The following GPM6B variants were observed in gnomAD, a reference collection of about 807,000 sequenced individuals.
GPM6B encodes the protein neuronal membrane glycoprotein M6-b.
A neutral mutation model predicts 27.2 loss-of-function variants in GPM6B; 4 were observed. The observed-to-expected ratio is 0.15, with a 90% confidence interval of 0.07 to 0.34. The LOEUF is 0.34. GPM6B is among the 10% of genes least tolerant of loss of function. GPM6B has a pLI of 1.00. For missense variants in GPM6B, 183 were observed against 261.9 expected, an observed-to-expected ratio of 0.70 and a Z score of 2.08; for synonymous variants, 124 against 103.1, an observed-to-expected ratio of 1.20 and a Z score of -1.23.
At chrX:13,785,871 A>G in intron 2 of GPM6B, 63 bp from the exon 3 acceptor site, 2 of 911,942 alleles carry the variant, frequency 2.2e-6, no homozygotes, top group South Asian at 4.8e-5. Context: ...CTTCAAGAAT[A>G]CCCCATATTC....
intron 1 of GPM6B, among the ~76,000 whole-genome samples, chrX:13,867,555 T>A (rs1452384781): frequency 8.9e-6 from 1 of 111,969 alleles, no homozygotes; most frequent in East Asian, 2.8e-4. Context: ...AGGCATGGTG[T>A]GGGGGTGGCA....
chrX:13,848,047 G>C (rs2049670737), intron 1 of GPM6B, among the ~76,000 whole-genome samples: 1 of 111,888 alleles, frequency 8.9e-6, no homozygotes, highest in African/African-American at 3.2e-5. Flanking sequence ...CCAGCTGCTG[G>C]CAAAGTTGAC....
chrX:13,920,667 A>G (rs1356673652), intron 1 of GPM6B, among the ~76,000 whole-genome samples: 3 of 111,309 alleles, frequency 2.7e-5, no homozygotes, highest in Non-Finnish European at 3.8e-5. Flanking sequence ...TGAGGAGGGC[A>G]GATCACAAGG....
intron 1 of GPM6B, among the ~76,000 whole-genome samples, chrX:13,846,636 G>A (rs952607866): frequency 2.8e-5 from 3 of 108,372 alleles, no homozygotes; most frequent in African/African-American, 6.7e-5. Context: ...TACTACAGGC[G>A]CCCGCCACAA....
At chrX:13,894,879 G>T (rs2050218656) in intron 1 of GPM6B, among the ~76,000 whole-genome samples, 1 of 111,919 alleles carries the variant, frequency 8.9e-6, no homozygotes, top group African/African-American at 3.2e-5. Context: ...GAGAACCAAA[G>T]CAGGCCTCCC....
intron 1 of GPM6B, among the ~76,000 whole-genome samples, chrX:13,862,184 C>T (rs2049860330): frequency 9.0e-6 from 1 of 111,227 alleles, no homozygotes; most frequent in Admixed American, 9.6e-5. Context: ...AAAGCAACAG[C>T]AACAACAACT....
chrX:13,892,007 C>G (rs2147031016), intron 1 of GPM6B, among the ~76,000 whole-genome samples: 1 of 111,821 alleles, frequency 8.9e-6, no homozygotes, highest in East Asian at 2.8e-4. Context: ...GAAAATTCTG[C>G]CTACCATGCA....
intron 1 of GPM6B, among the ~76,000 whole-genome samples, chrX:13,901,932 G>T (rs2050285947): frequency 8.9e-6 from 1 of 111,973 alleles, no homozygotes; most frequent in Admixed American, 9.5e-5. Flanking sequence ...AAAAAGAATT[G>T]CTAAGTGTCA....
intron 1 of GPM6B, among the ~76,000 whole-genome samples, chrX:13,811,989 G>C (rs979977248): frequency 9.2e-6 from 1 of 108,964 alleles, no homozygotes; most frequent in Admixed American, 9.8e-5. Context: ...CTCCTGTAAC[G>C]TGAGCTGAAG....
rs760112371 is a variant in GPM6B at position 13,828,492 on chromosome X, T to A, written c.-197-42684A>T. Among the ~76,000 whole-genome samples, 4 of 110,728 alleles carry A rather than the reference T, an allele frequency of 3.6e-5. No individual in the cohort carries two copies. In the South Asian group the frequency reaches 1.2e-3, roughly 32 times the overall value. ...CAGCCTCCGTAACTGTAAGAAATAA[T>A]TTTTTTTTCTTTGTAAGTTTCCCAA... On this transcript the variant is annotated intron_variant, in intron 1 of 6. Transcript: ENST00000398361.
chrX:13,874,634 T>C (rs2050014815), intron 1 of GPM6B, among the ~76,000 whole-genome samples: 1 of 110,930 alleles, frequency 9.0e-6, no homozygotes, highest in Non-Finnish European at 1.9e-5. Context: ...TGCTTGAACC[T>C]GGGAGGCAGA....
chrX:13,848,947 A>G (rs1380583157), intron 1 of GPM6B, among the ~76,000 whole-genome samples: 1 of 112,103 alleles, frequency 8.9e-6, no homozygotes, highest in East Asian at 2.8e-4. Context: ...GAAAAAAGCC[A>G]GACACAAAAG....
At chrX:13,870,182 G>T (rs1036557668) in intron 1 of GPM6B, among the ~76,000 whole-genome samples, 1 of 112,184 alleles carries the variant, frequency 8.9e-6, no homozygotes, top group Non-Finnish European at 1.9e-5. Flanking sequence ...TATTGATGCA[G>T]GTTACTCATG....
intron 1 of GPM6B, among the ~76,000 whole-genome samples, chrX:13,914,592 C>A (rs1028155905): frequency 4.4e-5 from 5 of 112,762 alleles, no homozygotes; most frequent in African/African-American, 1.6e-4. Flanking sequence ...TCTCTGACCC[C>A]TTTGGGGAGG....
At chrX:13,888,736 AAT>A (rs2050161591) in intron 1 of GPM6B, among the ~76,000 whole-genome samples, 2 of 111,555 alleles carry the variant, frequency 1.8e-5, no homozygotes, top group Non-Finnish European at 3.8e-5. Flanking sequence ...GTAGAAAAAA[AAT>A]GTTTTTTTGC....
chrX:13,894,207 G>T (rs1013586132), intron 1 of GPM6B, among the ~76,000 whole-genome samples: 3 of 111,757 alleles, frequency 2.7e-5, no homozygotes, highest in Non-Finnish European at 5.6e-5. Context: ...TCCCCTCCAG[G>T]TGACCCCAAA....
intron 1 of GPM6B, among the ~76,000 whole-genome samples, chrX:13,846,131 CCT>C (rs1316699629): frequency 9.0e-6 from 1 of 111,354 alleles, no homozygotes; most frequent in Non-Finnish European, 1.9e-5. Context: ...GACAGCTAAA[CCT>C]CTGAGTTTCC....
chrX:13,881,519 A>T (rs1170978975), intron 1 of GPM6B, among the ~76,000 whole-genome samples: 2 of 100,471 alleles, frequency 2.0e-5, no homozygotes, highest in African/African-American at 7.3e-5. Flanking sequence ...CACCAAAAAA[A>T]AAAAGAATGA....
intron 1 of GPM6B, among the ~76,000 whole-genome samples, chrX:13,878,161 A>T (rs200573565): frequency 2.6e-5 from 1 of 37,827 alleles, no homozygotes; most frequent in African/African-American, 3.2e-4. Flanking sequence ...AAAGCTGTTA[A>T]AAAAAAAAAT....
Sources: allele counts gnomAD v4.1 joint callset (sites outside exome capture counted in the v4.1 genomes callset), GRCh38; gene constraint gnomAD v4.1.1; transcripts MANE v1.5; gene names NCBI Gene and HGNC (gene_info 2026-07-23, HGNC 2026-07-21).